The following NDUFS4 variants were observed in gnomAD, a reference collection of about 807,000 sequenced individuals.
NDUFS4 encodes NADH:ubiquinone oxidoreductase subunit S4.
In NDUFS4, 28 loss-of-function variants were observed where a neutral mutation model predicts 24.3. The observed-to-expected ratio is 1.15, with a 90% CI of 0.85 to 1.58. The LOEUF (loss-of-function observed/expected upper bound fraction) is 1.58, where lower values mean the gene tolerates loss of function less well. Among genes scored for constraint, NDUFS4 ranks in the 40% most tolerant of loss-of-function variants. The pLI, the probability that NDUFS4 is intolerant of heterozygous loss-of-function variation, is 0.00. For missense variants in NDUFS4, 223 were observed against 207.9 expected (o/e 1.07, Z -0.45); for synonymous variants, 93 against 69.7 (o/e 1.34, Z -1.67).
At chr5:53,612,699 A>G (rs527866144) in intron 2 of NDUFS4, among the ~76,000 whole-genome samples, 2 of 152,222 alleles carry the variant, frequency 1.3e-5, no homozygotes, top group Admixed American at 1.3e-4. Flanking sequence ...CAATAAATAA[A>G]TCGCTGTTTG....
chr5:53,605,379 A>G (rs745309000), intron 2 of NDUFS4, among the ~76,000 whole-genome samples: 4 of 152,040 alleles, frequency 2.6e-5, no homozygotes, highest in Non-Finnish European at 5.9e-5. Flanking sequence ...AAAGTTTTCA[A>G]ATTTTAGAGT....
At chr5:53,672,095 A>C (rs937271236) in intron 4 of NDUFS4, among the ~76,000 whole-genome samples, 22 of 152,132 alleles carry the variant, frequency 1.4e-4, no homozygotes, top group African/African-American at 5.1e-4. Context: ...AAAATAAAGA[A>C]AGAAATAATT....
intron 4 of NDUFS4, among the ~76,000 whole-genome samples, chr5:53,661,512 A>G (rs1752342558): frequency 6.6e-6 from 1 of 152,058 alleles, no homozygotes; most frequent in African/African-American, 2.4e-5. Flanking sequence ...ATGAAGTTTA[A>G]AGTAGTTTTT....
intron 1 of NDUFS4, among the ~76,000 whole-genome samples, chr5:53,584,704 C>A (rs1257886664): frequency 1.3e-5 from 2 of 152,084 alleles, no homozygotes; most frequent in African/African-American, 4.8e-5. Flanking sequence ...CTTGTTAGAT[C>A]TTTTAAACTT....
At chr5:53,611,135 A>G (rs1750682093) in intron 2 of NDUFS4, among the ~76,000 whole-genome samples, 1 of 151,806 alleles carries the variant, frequency 6.6e-6, no homozygotes, top group Non-Finnish European at 1.5e-5. Flanking sequence ...ACAGTATACA[A>G]TAAATTACAA....
intron 4 of NDUFS4, among the ~76,000 whole-genome samples, chr5:53,668,250 C>T (rs1752573044): frequency 6.6e-6 from 1 of 152,080 alleles, no homozygotes; most frequent in Non-Finnish European, 1.5e-5. Context: ...ATTTGAGATA[C>T]AGTTGATTAT....
chr5:53,650,849 A>G (rs1751995188), intron 3 of NDUFS4, among the ~76,000 whole-genome samples: 1 of 152,232 alleles, frequency 6.6e-6, no homozygotes, highest in Admixed American at 6.5e-5. Flanking sequence ...AATCATTATT[A>G]TAGTATTGCT....
chr5:53,600,351 C>T (rs1750272480), intron 1 of NDUFS4, among the ~76,000 whole-genome samples: 1 of 151,694 alleles, frequency 6.6e-6, no homozygotes, highest in Non-Finnish European at 1.5e-5. Flanking sequence ...ACTTTGTTGC[C>T]CAGGCTGGAG....
At chr5:53,598,939 T>G (rs920761243) in intron 1 of NDUFS4, among the ~76,000 whole-genome samples, 3 of 152,092 alleles carry the variant, frequency 2.0e-5, no homozygotes, top group Non-Finnish European at 4.4e-5. Flanking sequence ...AGAATGATAC[T>G]TTACAAACCT....
chr5:53,586,411 T>G (rs960733065), intron 1 of NDUFS4, among the ~76,000 whole-genome samples: 2 of 152,114 alleles, frequency 1.3e-5, no homozygotes, highest in South Asian at 4.1e-4. Context: ...CTTTCCTTGA[T>G]TTGAATCTGA....
intron 2 of NDUFS4, among the ~76,000 whole-genome samples, chr5:53,634,069 T>G (rs1464819716): frequency 6.6e-6 from 1 of 152,252 alleles, no homozygotes; most frequent in African/African-American, 2.4e-5. Flanking sequence ...TATTGCTTAC[T>G]TAAGTGTTTC....
intron 2 of NDUFS4, chr5:53,604,691 C>G: frequency 4.4e-6 from 2 of 453,972 alleles, no homozygotes; most frequent in Non-Finnish European, 8.9e-6. Context: ...TCTTTGACGT[C>G]TTGCCTGATT....
In NDUFS4 at chr5:53,609,635, A is replaced by T. The variant is rs141736340; in HGVS notation, c.177+6105A>T. Among the ~76,000 whole-genome samples, 468 of 152,278 alleles carry T rather than the reference A, an allele frequency of 3.1e-3. 2 individuals carry two copies. The highest frequency in any genetic ancestry group is 0.01 in the African/African-American group (416 of 41,548). On this transcript the variant is annotated intron_variant, in intron 2 of 4. Coordinates refer to ENST00000296684, the MANE Select transcript of NDUFS4 (RefSeq NM_002495.4). ...TGAAGCCAGGCGTTGACTTCTCTCT[A>T]GCTATGAAAGTCCTAGCTGGCATCT...
At chr5:53,679,498 AAAC>A (rs1430650042) in intron 4 of NDUFS4, among the ~76,000 whole-genome samples, 1 of 152,158 alleles carries the variant, frequency 6.6e-6, no homozygotes, top group Non-Finnish European at 1.5e-5. Context: ...GGGAAAACCC[AAAC>A]CAGTTGTTCT....
chr5:53,602,806 G>C (rs1750366975), intron 1 of NDUFS4, among the ~76,000 whole-genome samples: 1 of 152,172 alleles, frequency 6.6e-6, no homozygotes, highest in Non-Finnish European at 1.5e-5. Context: ...AAACAACAAA[G>C]TGTACATGAA....
chr5:53,620,124 T>G (rs1026405020), intron 2 of NDUFS4, among the ~76,000 whole-genome samples: 1 of 143,400 alleles, frequency 7.0e-6, no homozygotes, highest in African/African-American at 2.5e-5. Context: ...TCAAAAAATG[T>G]AAAAAAAAAA....
chr5:53,680,947 C>T (rs1740645375), intron 4 of NDUFS4, among the ~76,000 whole-genome samples: 1 of 152,064 alleles, frequency 6.6e-6, no homozygotes, highest in Admixed American at 6.6e-5. Flanking sequence ...TTACTGTTCT[C>T]TGCCTACTTC....
At chr5:53,678,396 CAT>C (rs775564390) in intron 4 of NDUFS4, among the ~76,000 whole-genome samples, 4 of 152,096 alleles carry the variant, frequency 2.6e-5, no homozygotes, top group Non-Finnish European at 4.4e-5. Flanking sequence ...AAATCTGTGC[CAT>C]ATGGCTACTC....
intron 1 of NDUFS4, among the ~76,000 whole-genome samples, chr5:53,584,444 C>T (rs1167429921): frequency 6.6e-6 from 1 of 152,076 alleles, no homozygotes; most frequent in African/African-American, 2.4e-5. Context: ...AAACCTCTGC[C>T]TCCTGGGTTC....
Sources: gnomAD v4.1 joint callset for allele counts (sites outside exome capture counted in the v4.1 genomes callset) on GRCh38, gnomAD v4.1.1 for gene constraint, MANE v1.5 for transcripts, NCBI Gene and HGNC (gene_info 2026-07-23, HGNC 2026-07-21) for gene names.